ING3: variants seen among roughly 807,000 people sequenced by gnomAD.
ING3 encodes inhibitor of growth family member 3, also known as inhibitor of growth protein 3.
In ING3, 6 loss-of-function variants were observed where a neutral mutation model predicts 64.8. The ratio of observed to expected loss-of-function variants is 0.09; its 90% CI spans 0.05 to 0.18. The LOEUF (loss-of-function observed/expected upper bound fraction) is 0.18. ING3 is among the 10% of genes least tolerant of loss of function. The pLI is 1.00. For missense variants in ING3, 310 were observed against 489.7 expected, an observed-to-expected ratio of 0.63 and a Z score of 3.46; for synonymous variants, 170 against 173.7, an observed-to-expected ratio of 0.98 and a Z score of 0.17.
In ING3 at chr7:120,964,728, C is replaced by T; in HGVS notation, c.268-14C>T. 1 of 1,609,892 alleles carries T rather than the reference C, an allele frequency of 6.2e-7. No homozygotes were observed. ...CCAAATTTTGGTGGTTATCTTTGATCTTCTTTGAAACAGGTAGATCGACAC... is the reference window on the plus strand; with the variant it reads ...CCAAATTTTGGTGGTTATCTTTGATTTTCTTTGAAACAGGTAGATCGACAC... On this transcript the variant is annotated splice_polypyrimidine_tract_variant and intron_variant, in intron 4 of 11. Coordinates refer to ENST00000315870, the MANE Select transcript of ING3 (RefSeq NM_019071.3).
chr7:120,964,688 C>A, intron 4 of ING3, 54 bp from the exon 5 acceptor site: 2 of 1,400,694 alleles, frequency 1.4e-6, no homozygotes, highest in Non-Finnish European at 2.0e-6. Flanking sequence ...ATTAAGCTGA[C>A]ACTTTAACAG....
rs1796143095 is a variant in ING3, at chr7:120,976,985, A to G, written c.*2141A>G. The G allele has an allele frequency of 6.6e-6, 1 of 152,232 alleles. No individual in the cohort carries two copies. Among genetic ancestry groups the G allele is most frequent in the Non-Finnish European group, 1.5e-5 (1 of 68,036 alleles). The allele number at this position is 152,232 out of a possible 1,614,324, so 9.4% of individuals were successfully genotyped here. On this transcript the variant is annotated 3_prime_UTR_variant, in exon 12 of 12. Transcript: ENST00000315870. Reference sequence around the variant, plus strand: ...CCCCCAAAAATGTGGCCAACTATTAATATTCTTTGTGACATTTACACCAAG... The same window carrying G: ...CCCCCAAAAATGTGGCCAACTATTAGTATTCTTTGTGACATTTACACCAAG...
chr7:120,956,631 G>C, intron 4 of ING3: 1 of 987,360 alleles, frequency 1.0e-6, no homozygotes, highest in Non-Finnish European at 1.2e-6. Flanking sequence ...TTTCATAAAA[G>C]ACACTGCCTA....
chr7:120,959,591 G>T (rs1795901080), intron 4 of ING3, among the ~76,000 whole-genome samples: 1 of 149,048 alleles, frequency 6.7e-6, no homozygotes, highest in African/African-American at 2.5e-5. Flanking sequence ...TCAGATTAGG[G>T]CACTGAAAGT....
chr7:120,956,562 A>T, intron 4 of ING3: 27 of 1,003,002 alleles, frequency 2.7e-5, no homozygotes, highest in Non-Finnish European at 3.1e-5. Flanking sequence ...TGTAGTACAC[A>T]CATTTTAATG....
chr7:120,951,060 T>G, intron 1 of ING3, 104 bp from the exon 2 acceptor site: 1 of 1,503,922 alleles, frequency 6.6e-7, no homozygotes, highest in Non-Finnish European at 9.2e-7. Flanking sequence ...GCAGCCTCGT[T>G]GTGGGCTGCC....
intron 3 of ING3, 139 bp downstream of exon 3, chr7:120,953,543 G>T: frequency 1.7e-6 from 1 of 573,424 alleles, no homozygotes. Flanking sequence ...AATTTATTGT[G>T]GTTTAGAGCT....
rs1263227378 is a variant in ING3, at chr7:120,951,287, C to G, written c.100+52C>G. 4 of 1,537,728 alleles carry G rather than the reference C, an allele frequency of 2.6e-6. No individual in the cohort carries two copies. The Admixed American group carries it at 6.7e-5, about 26-fold the overall frequency. On this transcript the variant is annotated intron_variant, in intron 2 of 11. Coordinates refer to ENST00000315870, the MANE Select transcript of ING3 (RefSeq NM_019071.3). ...TTCGCTGCGCGCGTTCAGTGCCAGA[C>G]TTGCTTGTCATCACTGCTAGCGCCT...
At position 120,970,771 on chromosome 7, in the gene ING3, T is replaced by C; in HGVS notation, c.992T>C (p.Val331Ala). 1 of 1,613,838 alleles carries C rather than the reference T, an allele frequency of 6.2e-7. No homozygotes were observed. The highest frequency in any genetic ancestry group is 8.5e-7 in the Non-Finnish European group (1 of 1,179,752). ...SLSSCSSSSTVVQEISQQTTV... is the reference protein window; with the variant it reads ...SLSSCSSSSTAVQEISQQTTV... ...TCATCGTGTTCTTCATCATCAACTGTTGTACAAGAAATCTCTCAACAAACA... is the reference window on the plus strand; with the variant it reads ...TCATCGTGTTCTTCATCATCAACTGCTGTACAAGAAATCTCTCAACAAACA... Residue 331 changes from valine to alanine, a missense_variant, in exon 10 of 12, where the codon GTT becomes GCT. Physicochemically the swap from Val to Ala is moderately conservative, Grantham distance 64. Around this residue, in one of 3 missense-constraint regions of ING3, gnomAD observed 233 missense variants for 289.4 expected, o/e 0.81. Transcript: ENST00000315870.
intron 3 of ING3, among the ~76,000 whole-genome samples, chr7:120,955,140 G>C (rs778984112): frequency 1.3e-5 from 2 of 151,680 alleles, no homozygotes; most frequent in African/African-American, 2.4e-5. Flanking sequence ...TTTGTTTTTT[G>C]TTTTTTTGAG....
intron 4 of ING3, chr7:120,956,040 A>C: frequency 1.4e-6 from 1 of 725,496 alleles, no homozygotes; most frequent in Non-Finnish European, 2.4e-6. Context: ...GATTAAAATG[A>C]AGAAGAATCA....
rs1224153235 is a variant in ING3, at chr7:120,968,923, A to T, written c.715-88A>T. ...AACAATATAAATTAACATTTGATAA[A>T]CCAAAATAAAACTATAATTTGTAAA... is the stretch of plus-strand genomic sequence containing the variant. On this transcript the variant is annotated intron_variant, in intron 8 of 11. Transcript: ENST00000315870. 4.9e-6 allele frequency: 4 copies of T among 817,168 alleles called. No homozygotes were observed. The African/African-American group carries it at 7.1e-5, about 15-fold the overall frequency. 50.6% of individuals were successfully genotyped at this position (817,168 alleles called of 1,614,324 possible).
chr7:120,966,943 T>A (rs1796004600), intron 6 of ING3, among the ~76,000 whole-genome samples: 1 of 152,190 alleles, frequency 6.6e-6, no homozygotes, highest in African/African-American at 2.4e-5. Context: ...TATATTCCCT[T>A]CATACACATA....
intron 4 of ING3, among the ~76,000 whole-genome samples, chr7:120,961,425 AG>A (rs1366595824): frequency 1.3e-5 from 2 of 152,242 alleles, no homozygotes; most frequent in African/African-American, 4.8e-5. Context: ...CTCTTCCGAT[AG>A]GGCAAGCTAG....
chr7:120,955,897 A>T (rs1466439926), intron 4 of ING3: 2 of 567,712 alleles, frequency 3.5e-6, no homozygotes, highest in East Asian at 5.9e-5. Flanking sequence ...ACAAGAATTA[A>T]TGTTTAACTT....
chr7:120,967,477 GTCCATAGTTC>G, intron 6 of ING3, 42 bp from the exon 7 acceptor site: 2 of 1,344,392 alleles, frequency 1.5e-6, no homozygotes, highest in Non-Finnish European at 2.0e-6. Flanking sequence ...ATTATGCCTT[GTCCATAGTTC>G]TCTAAAGTTT....
In ING3 at chr7:120,968,029, T is replaced by A. The variant is rs201712063; in HGVS notation, c.652T>A (p.Ser218Thr). 1 of 1,614,154 alleles carries A rather than the reference T, an allele frequency of 6.2e-7. No individual in the cohort carries two copies. The highest frequency in any genetic ancestry group is 8.5e-7 in the Non-Finnish European group (1 of 1,180,014). The change falls in exon 8 of 12, where the codon TCA (serine) becomes ACA (threonine). Residue 218 changes from serine (S) to threonine (T), a missense_variant. Ser to Thr is a moderately conservative substitution (Grantham distance 58). Coordinates refer to ENST00000315870, the MANE Select transcript of ING3 (RefSeq NM_019071.3). ...ATCCTATAACATTGGCTCGTTATCT[T>A]CAGGAACTGGTGCAGGGGCAATTAC... ...LGSYNIGSLS[S>T]GTGAGAITMA...
At position 120,969,142 on chromosome 7, in the gene ING3, GACA is replaced by G; in HGVS notation, c.850_852del (p.Thr284del). ...GCTATTCATCATCTTCGGCACTTAT[GACA>G]ACATTAACACAGAATGCCAGTTCAT... is the stretch of plus-strand genomic sequence containing the variant. On this transcript the variant is annotated inframe_deletion, in exon 9 of 12. Transcript: ENST00000315870. 1 of 1,614,054 alleles carries G rather than the reference GACA, an allele frequency of 6.2e-7. No individual in the cohort carries two copies. Among genetic ancestry groups the G allele is most frequent in the Non-Finnish European group, 8.5e-7 (1 of 1,179,976 alleles).
rs1019731089 is a variant in ING3, at chr7:120,950,857, A to G, written c.-40A>G. On this transcript the variant is annotated 5_prime_UTR_variant, in exon 1 of 12. Transcript: ENST00000315870. ...CGGCGACAGCGAGTGACACAAATAA[A>G]CCCCTGGACCCCCTTGTTCCCTCAG... 6.2e-6 allele frequency: 10 copies of G among 1,610,154 alleles called. No individual in the cohort carries two copies. Among genetic ancestry groups the G allele is most frequent in the Middle Eastern group, 3.3e-4 (2 of 6,036 alleles).
Sources: gnomAD v4.1 joint callset for allele counts (sites outside exome capture counted in the v4.1 genomes callset) on GRCh38, gnomAD v4.1.1 for gene constraint, gnomAD v4.1.1 regional missense constraint, MANE v1.5 for transcripts, NCBI Gene and HGNC (gene_info 2026-07-23, HGNC 2026-07-21) for gene names.